The following LRRC8D variants were observed in gnomAD, a reference collection of about 807,000 sequenced individuals.
LRRC8D encodes leucine rich repeat containing 8 VRAC subunit D.
In LRRC8D, 20 loss-of-function variants were observed where a neutral mutation model predicts 55.8. The ratio of observed to expected loss-of-function variants is 0.36; its 90% CI spans 0.25 to 0.52. The LOEUF (loss-of-function observed/expected upper bound fraction) is 0.52, where lower values mean the gene tolerates loss of function less well. Ranked by LOEUF, LRRC8D falls within the 20% of genes least tolerant of loss-of-function variation. The probability of loss-of-function intolerance (pLI) is 0.93; values close to 1 mark genes in which losing one functional copy is unlikely to be tolerated. For missense variants in LRRC8D, 651 were observed against 1,030.8 expected (o/e 0.63, Z 5.05); for synonymous variants, 352 against 377.0 (o/e 0.93, Z 0.77).
chr1:89,928,069 G>C (rs1010528852), intron 2 of LRRC8D, among the ~76,000 whole-genome samples: 12 of 152,278 alleles, frequency 7.9e-5, no homozygotes, highest in Middle Eastern at 3.4e-3. Flanking sequence ...ATTAGAAACA[G>C]ATTTTGTTTT....
chr1:89,866,111 T>C (rs1168974080), intron 2 of LRRC8D, among the ~76,000 whole-genome samples: 2 of 152,270 alleles, frequency 1.3e-5, no homozygotes, highest in African/African-American at 4.8e-5. Flanking sequence ...TTGGTGTGTT[T>C]CTGCAGATTA....
intron 1 of LRRC8D, among the ~76,000 whole-genome samples, chr1:89,840,902 G>A (rs1425307814): frequency 6.6e-6 from 1 of 152,176 alleles, no homozygotes; most frequent in Non-Finnish European, 1.5e-5. Flanking sequence ...AAAAATGAAG[G>A]AGGGATACCA....
chr1:89,843,142 A>T (rs1295376278), intron 1 of LRRC8D: 1 of 152,450 alleles, frequency 6.6e-6, no homozygotes, highest in African/African-American at 2.4e-5. Context: ...TGTGGCTATG[A>T]ACTTTAAAAA....
At chr1:89,844,314 C>A (rs1661219815) in intron 2 of LRRC8D, among the ~76,000 whole-genome samples, 1 of 152,208 alleles carries the variant, frequency 6.6e-6, no homozygotes, top group Non-Finnish European at 1.5e-5. Flanking sequence ...AGCTCTTCAG[C>A]TGCTGAAACA....
At chr1:89,876,106 C>T (rs1459453333) in intron 2 of LRRC8D, among the ~76,000 whole-genome samples, 1 of 152,132 alleles carries the variant, frequency 6.6e-6, no homozygotes, top group Non-Finnish European at 1.5e-5. Flanking sequence ...CTTCCATCCA[C>T]TCAGAGCTCT....
intron 2 of LRRC8D, among the ~76,000 whole-genome samples, chr1:89,918,303 A>T (rs1455084930): frequency 6.6e-6 from 1 of 152,238 alleles, no homozygotes; most frequent in Non-Finnish European, 1.5e-5. Context: ...AGCAGCTGTT[A>T]CTCAGTGCTT....
At chr1:89,861,392 C>T (rs1661717733) in intron 2 of LRRC8D, among the ~76,000 whole-genome samples, 1 of 152,184 alleles carries the variant, frequency 6.6e-6, no homozygotes, top group South Asian at 2.1e-4. Flanking sequence ...CTTTGTGATT[C>T]TATAGTTTTT....
At position 89,821,081 on chromosome 1, in the gene LRRC8D, GCCGCT is replaced by G. The variant is rs1660615410; in HGVS notation, c.-357_-353del. 7.9e-3 allele frequency: 1 copy of G among 126 alleles called. No homozygotes were observed. The highest frequency in any genetic ancestry group is 0.1 in the Admixed American group (1 of 10). 0.0% of individuals were successfully genotyped at this position (126 alleles called of 1,614,324 possible). A position where few individuals can be genotyped will look rare whatever the true frequency, so the allele number is the denominator to read the frequency against. ...TGCTGCTGCTCCCGTCGCCGCTGCT[GCCGCT>G]GCCGCTGCCGCCGCCCGTGGTGCCC... On this transcript the variant is annotated 5_prime_UTR_variant, in exon 1 of 3. It removes the in-frame stop codon of an upstream open reading frame in the 5' UTR. Transcript: ENST00000337338.
intron 2 of LRRC8D, among the ~76,000 whole-genome samples, chr1:89,861,662 T>G (rs186375555): frequency 5.2e-4 from 79 of 152,340 alleles, no homozygotes; most frequent in Middle Eastern, 3.4e-3. Context: ...TGAAGACTTT[T>G]ACAAAGCCAA....
chr1:89,926,706 G>A (rs1165339418), intron 2 of LRRC8D, among the ~76,000 whole-genome samples: 1 of 152,210 alleles, frequency 6.6e-6, no homozygotes, highest in Admixed American at 6.5e-5. Flanking sequence ...TTGGGCAGTA[G>A]TAATGCCTAG....
At chr1:89,843,593 A>G (rs1458647812) in intron 1 of LRRC8D, 45 bp from the exon 2 acceptor site, 3 of 690,102 alleles carry the variant, frequency 4.3e-6, no homozygotes, top group Non-Finnish European at 5.3e-6. Flanking sequence ...CGCTGCCGAC[A>G]CTTGGATCTC....
intron 2 of LRRC8D, among the ~76,000 whole-genome samples, chr1:89,888,092 T>A (rs180808275): frequency 1.3e-5 from 2 of 152,270 alleles, no homozygotes; most frequent in Non-Finnish European, 2.9e-5. Context: ...ATTTAGGAGG[T>A]TGGAGGATCC....
chr1:89,887,708 A>G (rs1412480232), intron 2 of LRRC8D, among the ~76,000 whole-genome samples: 1 of 152,084 alleles, frequency 6.6e-6, no homozygotes, highest in Non-Finnish European at 1.5e-5. Context: ...TTTCATTGCT[A>G]ACTCTTTCTA....
chr1:89,881,170 A>G (rs1222187439), intron 2 of LRRC8D, among the ~76,000 whole-genome samples: 1 of 152,048 alleles, frequency 6.6e-6, no homozygotes, highest in Non-Finnish European at 1.5e-5. Context: ...CAGTTCAATG[A>G]TTTCTCCTTT....
At chr1:89,850,960 G>C (rs1480215455) in intron 2 of LRRC8D, among the ~76,000 whole-genome samples, 1 of 152,034 alleles carries the variant, frequency 6.6e-6, no homozygotes, top group Non-Finnish European at 1.5e-5. Flanking sequence ...ATTTCTAAAA[G>C]ACACATTTTT....
At chr1:89,895,964 A>G (rs904813607) in intron 2 of LRRC8D, among the ~76,000 whole-genome samples, 9 of 152,348 alleles carry the variant, frequency 5.9e-5, no homozygotes, top group Non-Finnish European at 1.0e-4. Flanking sequence ...ATTACATAAT[A>G]TATGTCTCCT....
intron 2 of LRRC8D, among the ~76,000 whole-genome samples, chr1:89,864,563 C>T (rs1347257048): frequency 6.6e-6 from 1 of 152,082 alleles, no homozygotes; most frequent in African/African-American, 2.4e-5. Flanking sequence ...GTCCACAGCT[C>T]CAGTTGCGGC....
intron 2 of LRRC8D, among the ~76,000 whole-genome samples, chr1:89,920,970 T>G (rs113164030): frequency 3.3e-5 from 5 of 152,254 alleles, no homozygotes; most frequent in African/African-American, 1.2e-4. Flanking sequence ...GTCTCTTGCA[T>G]GTTCTCCATT....
At chr1:89,894,069 T>C (rs1662645711) in intron 2 of LRRC8D, among the ~76,000 whole-genome samples, 1 of 152,228 alleles carries the variant, frequency 6.6e-6, no homozygotes, top group East Asian at 1.9e-4. Flanking sequence ...AATTAGGGCA[T>C]GAGGGCTCTG....
Sources: allele counts gnomAD v4.1 joint callset (sites outside exome capture counted in the v4.1 genomes callset), GRCh38; gene constraint gnomAD v4.1.1; transcripts MANE v1.5; gene names NCBI Gene and HGNC (gene_info 2026-07-23, HGNC 2026-07-21).